TCF4: variants seen among roughly 807,000 people sequenced by gnomAD.
TCF4 encodes the protein SL3-3 enhancer factor 2.
TCF4 carries 3 observed loss-of-function variants against 82.1 expected under a neutral mutation model. The observed-to-expected ratio is 0.04, with a 90% CI of 0.02 to 0.09. The LOEUF (loss-of-function observed/expected upper bound fraction) is 0.09. TCF4 is among the 10% of genes least tolerant of loss of function. The pLI, the probability that TCF4 is intolerant of heterozygous loss-of-function variation, is 1.00. For synonymous variants in TCF4, 276 were observed against 309.6 expected, an observed-to-expected ratio of 0.89 and a Z score of 1.14; for missense variants, 518 against 852.7, an observed-to-expected ratio of 0.61 and a Z score of 4.89.
chr18:55,422,434 A>G (rs74796261), intron 5 of TCF4: 23 of 965,036 alleles, frequency 2.4e-5, no homozygotes, highest in Non-Finnish European at 2.8e-5. Context: ...TTTTAATATT[A>G]AAAAAAAAGT....
rs2046663823 is a variant in TCF4, at chr18:55,226,867, G to A, written c.*1168C>T. 6.6e-6 allele frequency: 1 copy of A among 152,462 alleles called. No individual in the cohort carries two copies. Among genetic ancestry groups the A allele is most frequent in the Non-Finnish European group, 1.5e-5 (1 of 67,990 alleles). 9.4% of individuals were successfully genotyped at this position (152,462 alleles called of 1,614,324 possible). On this transcript the variant is annotated 3_prime_UTR_variant, in exon 20 of 20. Coordinates refer to ENST00000354452, the MANE Select transcript of TCF4 (RefSeq NM_001083962.2). ...GCACACTACTTCGGCTACACAGGTA[G>A]GTAACACTTTAATCATTTTGTTAAA... is the stretch of plus-strand genomic sequence containing the variant.
At chr18:55,410,198 CTCTT>C in intron 5 of TCF4, among the ~76,000 whole-genome samples, 1 of 152,286 alleles carries the variant, frequency 6.6e-6, no homozygotes, top group South Asian at 2.1e-4. Flanking sequence ...CATTAACTCT[CTCTT>C]CCGCTGATGT....
At chr18:55,415,730 T>C (rs527767926) in intron 5 of TCF4, among the ~76,000 whole-genome samples, 1 of 152,192 alleles carries the variant, frequency 6.6e-6, no homozygotes, top group Non-Finnish European at 1.5e-5. Flanking sequence ...TGAGCTTCTG[T>C]CAGTTTTCAA....
chr18:55,334,344 A>T (rs1025478782), intron 8 of TCF4, among the ~76,000 whole-genome samples: 7 of 152,180 alleles, frequency 4.6e-5, no homozygotes, highest in Non-Finnish European at 1.0e-4. Context: ...ATTTATAATT[A>T]AGTGTGCACA....
intron 3 of TCF4, among the ~76,000 whole-genome samples, chr18:55,532,918 C>T (rs1015970121): frequency 3.9e-5 from 6 of 152,102 alleles, no homozygotes; most frequent in African/African-American, 1.4e-4. Flanking sequence ...GACACAATAG[C>T]TGCCTTCTTA....
At chr18:55,317,075 G>A (rs985400592) in intron 8 of TCF4, among the ~76,000 whole-genome samples, 7 of 151,940 alleles carry the variant, frequency 4.6e-5, no homozygotes, top group East Asian at 1.9e-4. Context: ...TAAGTGTCTG[G>A]TGAATTTTTA....
chr18:55,302,654 T>G, intron 8 of TCF4: 3 of 1,476,988 alleles, frequency 2.0e-6, no homozygotes, highest in Non-Finnish European at 2.7e-6. Context: ...CTGTGAGGCC[T>G]GTGGCTGGCC....
At chr18:55,524,600 A>C (rs762436560) in intron 3 of TCF4, among the ~76,000 whole-genome samples, 1 of 152,200 alleles carries the variant, frequency 6.6e-6, no homozygotes, top group Non-Finnish European at 1.5e-5. Context: ...CTGTATAAAA[A>C]TACAAAGGCA....
chr18:55,372,520 T>A (rs891781280), intron 6 of TCF4, among the ~76,000 whole-genome samples: 1 of 152,058 alleles, frequency 6.6e-6, no homozygotes, highest in Non-Finnish European at 1.5e-5. Flanking sequence ...AAATTTTATA[T>A]GTAGCCAAAC....
chr18:55,246,614 T>C (rs2053285810), intron 15 of TCF4, among the ~76,000 whole-genome samples: 1 of 152,192 alleles, frequency 6.6e-6, no homozygotes, highest in Non-Finnish European at 1.5e-5. Flanking sequence ...TTCTTTAAAT[T>C]AATATAGAAA....
At chr18:55,285,973 T>C (rs2063583159) in intron 8 of TCF4, among the ~76,000 whole-genome samples, 1 of 152,210 alleles carries the variant, frequency 6.6e-6, no homozygotes, top group Non-Finnish European at 1.5e-5. Context: ...TTTCTTAAAG[T>C]CTTTTTTTCT....
At chr18:55,274,593 G>C (rs1460832096) in intron 10 of TCF4, among the ~76,000 whole-genome samples, 1 of 152,120 alleles carries the variant, frequency 6.6e-6, no homozygotes, top group Admixed American at 6.6e-5. Flanking sequence ...TCAGAACAGA[G>C]AAAGAAACCT....
At chr18:55,240,719 C>T (rs1321453852) in intron 15 of TCF4, among the ~76,000 whole-genome samples, 1 of 152,194 alleles carries the variant, frequency 6.6e-6, no homozygotes, top group East Asian at 1.9e-4. Context: ...ACATCTGGGA[C>T]ACTCCAACCA....
chr18:55,379,966 C>T (rs556865245), intron 6 of TCF4, among the ~76,000 whole-genome samples: 11 of 152,100 alleles, frequency 7.2e-5, no homozygotes, highest in South Asian at 2.1e-4. Flanking sequence ...CTCGACTTTC[C>T]GGGCTCAGCT....
intron 2 of TCF4, chr18:55,586,026 C>A: frequency 7.3e-7 from 1 of 1,364,440 alleles, no homozygotes; most frequent in Non-Finnish European, 9.6e-7. Context: ...GAAAGTGCAA[C>A]AAGCAGAAAG....
At chr18:55,323,720 C>T (rs540673071) in intron 8 of TCF4, among the ~76,000 whole-genome samples, 1 of 152,270 alleles carries the variant, frequency 6.6e-6, no homozygotes, top group African/African-American at 2.4e-5. Context: ...ACCCACCTAC[C>T]AGAGGACAGT....
intron 5 of TCF4, among the ~76,000 whole-genome samples, chr18:55,409,559 G>T (rs72926963): frequency 6.6e-6 from 1 of 151,792 alleles, no homozygotes; most frequent in East Asian, 1.9e-4. Flanking sequence ...ATACATGCCC[G>T]TCCCCATCTT....
intron 6 of TCF4, among the ~76,000 whole-genome samples, chr18:55,359,465 T>G (rs2084501804): frequency 6.6e-6 from 1 of 152,196 alleles, no homozygotes; most frequent in African/African-American, 2.4e-5. Flanking sequence ...GAAAGTGAAC[T>G]CTGATCATCT....
intron 8 of TCF4, chr18:55,321,731 C>A: frequency 6.5e-7 from 1 of 1,536,148 alleles, no homozygotes; most frequent in Non-Finnish European, 8.7e-7. Flanking sequence ...TGTGTATGCG[C>A]AGTACATGGT....
Sources: allele counts gnomAD v4.1 joint callset (sites outside exome capture counted in the v4.1 genomes callset), GRCh38; gene constraint gnomAD v4.1.1; transcripts MANE v1.5; gene names NCBI Gene and HGNC (gene_info 2026-07-23, HGNC 2026-07-21).